Variants in ANKS1B observed in about 807,000 individuals in gnomAD.
ANKS1B encodes the protein ankyrin repeat and sterile alpha motif domain-containing protein 1B.
ANKS1B carries 36 observed loss-of-function variants against 148.3 expected under a neutral mutation model. The ratio of observed to expected loss-of-function variants is 0.24; its 90% confidence interval spans 0.19 to 0.32. ANKS1B has a LOEUF of 0.32. Among genes scored for constraint, ANKS1B ranks in the 10% least tolerant of loss-of-function variants. The pLI is 1.00. For missense variants in ANKS1B, 1,157 were observed against 1,542.6 expected (o/e 0.75, Z 4.19); for synonymous variants, 542 against 560.8 (o/e 0.97, Z 0.47).
intron 8 of ANKS1B, among the ~76,000 whole-genome samples, chr12:99,686,584 A>T (rs1237775839): frequency 6.6e-6 from 1 of 152,188 alleles, no homozygotes; most frequent in Non-Finnish European, 1.5e-5. Flanking sequence ...AAAACTATGA[A>T]TCAAGAATCC....
intron 9 of ANKS1B, among the ~76,000 whole-genome samples, chr12:99,652,073 G>GTA (rs146772425): frequency 0.13 from 19,817 of 148,764 alleles, 1,899 homozygotes; most frequent in East Asian, 0.44. Context: ...GTTTACATGT[G>GTA]TATATATATA....
At chr12:98,877,566 G>T (rs1317161285) in intron 17 of ANKS1B, among the ~76,000 whole-genome samples, 1 of 152,198 alleles carries the variant, frequency 6.6e-6, no homozygotes, top group Admixed American at 6.5e-5. Flanking sequence ...ACACAGTTAT[G>T]AACAAGAAAT....
intron 1 of ANKS1B, among the ~76,000 whole-genome samples, chr12:99,826,866 T>C (rs531396576): frequency 6.6e-6 from 1 of 152,216 alleles, no homozygotes. Context: ...ATCCCAGCAC[T>C]TTGGGAGGCT....
At chr12:99,729,724 G>C (rs1436140561) in intron 8 of ANKS1B, among the ~76,000 whole-genome samples, 1 of 152,080 alleles carries the variant, frequency 6.6e-6, no homozygotes, top group African/African-American at 2.4e-5. Context: ...GTTGGTAACT[G>C]GACATTTTAG....
intron 12 of ANKS1B, among the ~76,000 whole-genome samples, chr12:99,299,549 T>C (rs2081334089): frequency 6.6e-6 from 1 of 152,218 alleles, no homozygotes; most frequent in Non-Finnish European, 1.5e-5. Flanking sequence ...CACTTTTAAA[T>C]GTTTCTTAGT....
chr12:98,760,105 G>A (rs1164772560), intron 25 of ANKS1B, among the ~76,000 whole-genome samples: 1 of 152,206 alleles, frequency 6.6e-6, no homozygotes, highest in Non-Finnish European at 1.5e-5. Flanking sequence ...GATCAAATGT[G>A]AATAGTAGTT....
At chr12:99,586,329 A>C (rs2097639565) in intron 9 of ANKS1B, among the ~76,000 whole-genome samples, 1 of 151,994 alleles carries the variant, frequency 6.6e-6, no homozygotes, top group African/African-American at 2.4e-5. Flanking sequence ...AGTGACCTTT[A>C]CTCCAGTTCC....
At chr12:99,364,585 T>G (rs1179842229) in intron 12 of ANKS1B, among the ~76,000 whole-genome samples, 1 of 152,212 alleles carries the variant, frequency 6.6e-6, no homozygotes, top group East Asian at 1.9e-4. Context: ...TCATCTATCA[T>G]GCACCCTGTG....
intron 2 of ANKS1B, among the ~76,000 whole-genome samples, chr12:99,815,524 G>T (rs767912099): frequency 6.6e-6 from 1 of 151,304 alleles, no homozygotes; most frequent in Non-Finnish European, 1.5e-5. Flanking sequence ...TGGGACACAG[G>T]TGGTTTTTGG....
intron 16 of ANKS1B, among the ~76,000 whole-genome samples, chr12:99,081,754 G>C (rs973420238): frequency 9.2e-5 from 14 of 151,950 alleles, no homozygotes; most frequent in African/African-American, 2.7e-4. Context: ...ATAATTCTAC[G>C]TTCAGTTTCT....
At chr12:99,193,932 G>T (rs1220400101) in intron 14 of ANKS1B, among the ~76,000 whole-genome samples, 1 of 149,002 alleles carries the variant, frequency 6.7e-6, no homozygotes, top group Non-Finnish European at 1.5e-5. Flanking sequence ...CTCCTGAGTA[G>T]CCGGGACTAT....
chr12:99,978,106 A>G (rs1371711148), intron 1 of ANKS1B, among the ~76,000 whole-genome samples: 9 of 152,230 alleles, frequency 5.9e-5, no homozygotes, highest in Non-Finnish European at 1.3e-4. Context: ...ATTTCAGTAT[A>G]TAACTGAACT....
chr12:99,980,478 A>C (rs1009724086), intron 1 of ANKS1B, among the ~76,000 whole-genome samples: 2 of 152,146 alleles, frequency 1.3e-5, no homozygotes, highest in Non-Finnish European at 2.9e-5. Context: ...TGCAAAAATA[A>C]GATCATACTA....
chr12:99,948,012 C>G (rs1270365126), intron 1 of ANKS1B, among the ~76,000 whole-genome samples: 1 of 152,160 alleles, frequency 6.6e-6, no homozygotes. Flanking sequence ...GCCCATGTGA[C>G]TGTATTAGAC....
At chr12:99,486,489 T>C (rs1482817483) in intron 10 of ANKS1B, among the ~76,000 whole-genome samples, 1 of 150,840 alleles carries the variant, frequency 6.6e-6, no homozygotes, top group Non-Finnish European at 1.5e-5. Flanking sequence ...TTTATTTATT[T>C]ATTTATTTTT....
At chr12:99,733,782 T>C (rs2059380761) in intron 8 of ANKS1B, among the ~76,000 whole-genome samples, 1 of 152,230 alleles carries the variant, frequency 6.6e-6, no homozygotes, top group Admixed American at 6.5e-5. Context: ...TGTTAAATAA[T>C]GGTTAACACT....
intron 12 of ANKS1B, among the ~76,000 whole-genome samples, chr12:99,293,380 T>C (rs911455556): frequency 6.6e-6 from 1 of 151,966 alleles, no homozygotes; most frequent in Non-Finnish European, 1.5e-5. Context: ...GGGATAGCAT[T>C]AGGAGAAATA....
chr12:99,501,644 G>A (rs973780900), intron 10 of ANKS1B, among the ~76,000 whole-genome samples: 2 of 152,124 alleles, frequency 1.3e-5, no homozygotes, highest in Admixed American at 6.6e-5. Context: ...TGGAATCCTA[G>A]TTCTATGGAG....
At chr12:99,782,585 G>A (rs2064466878) in intron 4 of ANKS1B, among the ~76,000 whole-genome samples, 2 of 152,100 alleles carry the variant, frequency 1.3e-5, no homozygotes, top group Non-Finnish European at 2.9e-5. Context: ...ATAGCCATTT[G>A]ACTTTCTTAT....
Sources: gnomAD v4.1 joint callset for allele counts (sites outside exome capture counted in the v4.1 genomes callset) on GRCh38, gnomAD v4.1.1 for gene constraint, MANE v1.5 for transcripts, NCBI Gene and HGNC (gene_info 2026-07-23, HGNC 2026-07-21) for gene names.